PJA2: variants seen among roughly 807,000 people sequenced by gnomAD.
PJA2 encodes the protein praja ring finger ubiquitin ligase 2, also known as E3 ubiquitin-protein ligase Praja-2.
In PJA2, 25 loss-of-function variants were observed where a neutral mutation model predicts 69.3. The ratio of observed to expected loss-of-function variants is 0.36; its 90% CI spans 0.26 to 0.50. The LOEUF (loss-of-function observed/expected upper bound fraction) is 0.50. PJA2 is among the 20% of genes least tolerant of loss of function. The pLI, the probability that PJA2 is intolerant of heterozygous loss-of-function variation, is 0.96. For synonymous variants in PJA2, 308 were observed against 277.8 expected, an observed-to-expected ratio of 1.11 and a Z score of -1.08; for missense variants, 809 against 830.2, an observed-to-expected ratio of 0.97 and a Z score of 0.31.
intron 1 of PJA2, among the ~76,000 whole-genome samples, chr5:109,387,162 T>C (rs1417954885): frequency 6.6e-6 from 1 of 152,184 alleles, no homozygotes; most frequent in Non-Finnish European, 1.5e-5. Context: ...CTGTCATTAC[T>C]CTCTGTAACA....
At position 109,362,913 on chromosome 5, in the gene PJA2, C is replaced by A. The variant is rs775064969; in HGVS notation, c.1579G>T (p.Ala527Ser). ...NEPANEFAQPAFMLDGNNNLE... is the reference protein window; with the variant it reads ...NEPANEFAQPSFMLDGNNNLE... ...TTATTGTTACCATCCAACATGAAAG[C>A]TGGCTGTGCAAATTCATTGGCAGGT... The change falls in exon 6 of 10, where the codon GCT becomes TCT. Residue 527 changes from alanine (A) to serine (S), a missense_variant. Coordinates refer to ENST00000361189, the MANE Select transcript of PJA2 (RefSeq NM_014819.5). The A allele has an allele frequency of 6.2e-7, 1 of 1,613,826 alleles. No individual in the cohort carries two copies. The highest frequency in any genetic ancestry group is 8.5e-7 in the Non-Finnish European group (1 of 1,179,796).
chr5:109,384,801 G>T (rs1747122227), intron 1 of PJA2, among the ~76,000 whole-genome samples: 1 of 151,972 alleles, frequency 6.6e-6, no homozygotes, highest in South Asian at 2.1e-4. Flanking sequence ...AAAAACATAG[G>T]TGCTAATTAA....
At chr5:109,341,657 G>T (rs1210494830) in intron 9 of PJA2, among the ~76,000 whole-genome samples, 1 of 29,868 alleles carries the variant, frequency 3.3e-5, no homozygotes, top group Non-Finnish European at 7.3e-5. Flanking sequence ...GTGGGGGGGT[G>T]AGCCCTCCGC....
chr5:109,406,910 C>A (rs186194023), intron 1 of PJA2, among the ~76,000 whole-genome samples: 1 of 152,186 alleles, frequency 6.6e-6, no homozygotes, highest in African/African-American at 2.4e-5. Context: ...GAAAAACATG[C>A]CAAGAGAAAA....
intron 1 of PJA2, chr5:109,390,576 C>T (rs1747260346): frequency 6.6e-6 from 1 of 152,020 alleles, no homozygotes; most frequent in South Asian, 2.1e-4. Flanking sequence ...TCACATTTAA[C>T]ATAATTACCA....
At position 109,387,319 on chromosome 5, in the gene PJA2, C is replaced by T. The variant is rs571365961; in HGVS notation, c.-87-3799G>A. On this transcript the variant is annotated intron_variant, in intron 1 of 9. Transcript: ENST00000361189. ...CTATATTCCGTCTACCACTTTCTAT[C>T]TCTAAGTATAAAAAATAAGAAAAAA... Among the ~76,000 whole-genome samples, 11 of 151,978 alleles carry T rather than the reference C, an allele frequency of 7.2e-5. No homozygotes were observed. The South Asian group carries it at 2.3e-3, about 32-fold the overall frequency.
intron 9 of PJA2, among the ~76,000 whole-genome samples, chr5:109,339,584 C>G (rs574516074): frequency 2.2e-4 from 33 of 152,220 alleles, no homozygotes; most frequent in Non-Finnish European, 4.1e-4. Flanking sequence ...CTCACAGACT[C>G]AGCCATGCTC....
chr5:109,389,252 G>T (rs537363266), intron 1 of PJA2, among the ~76,000 whole-genome samples: 2 of 152,202 alleles, frequency 1.3e-5, no homozygotes, highest in African/African-American at 4.8e-5. Context: ...ATGTAAGGCA[G>T]ATTTGTCAGT....
intron 1 of PJA2, among the ~76,000 whole-genome samples, chr5:109,386,900 T>C (rs1274443495): frequency 6.6e-6 from 1 of 152,214 alleles, no homozygotes; most frequent in Non-Finnish European, 1.5e-5. Context: ...GCTGGTATTC[T>C]ATAATTTCAC....
Position 109,379,134 on chromosome 5 carries a change from G to A in PJA2, c.353C>T (p.Ser118Phe), listed in dbSNP as rs1400667333. The change falls in exon 4 of 10, where the codon TCC becomes TTC. Residue 118 changes from serine (S) to phenylalanine (F), a missense_variant. Ser to Phe is a radical substitution (Grantham distance 155). This residue lies in a region of PJA2 where 700 missense variants were observed against 639.5 expected (regional missense o/e 1.09). Transcript: ENST00000361189. ...CTCACTGTGATGTACTGCAACAAAG[G>A]ATTGACTGCTCTCAGTGGTTTGATT... ...ALNQTTESSQ[S>F]FVAVHHSEEG... 1.2e-6 allele frequency: 2 copies of A among 1,614,096 alleles called. No homozygotes were observed. Among genetic ancestry groups the A allele is most frequent in the East Asian group, 2.2e-5 (1 of 44,870 alleles).
chr5:109,371,009 C>T (rs929293419), intron 4 of PJA2, among the ~76,000 whole-genome samples: 1 of 152,126 alleles, frequency 6.6e-6, no homozygotes, highest in Non-Finnish European at 1.5e-5. Context: ...TATGGATTGG[C>T]AAACTACTAC....
chr5:109,370,032 C>CAA (rs1168528650), intron 4 of PJA2, among the ~76,000 whole-genome samples: 727 of 46,894 alleles, frequency 0.016, 8 homozygotes, highest in African/African-American at 0.035. Flanking sequence ...AACTCCCTCT[C>CAA]AAAAAAAAAA....
Position 109,381,595 on chromosome 5 carries a change from G to GA in PJA2, c.139_140insT (p.Pro47LeufsTer7). On this transcript the variant is annotated frameshift_variant, in exon 3 of 10. Coordinates refer to ENST00000361189, the MANE Select transcript of PJA2 (RefSeq NM_014819.5). LOFTEE classifies it high-confidence loss of function. ...GCTTCTTTCATGTCTGGTCATACAT[G>GA]GTTTAAAACTGACATAAGCATGTCT... is the stretch of plus-strand genomic sequence containing the variant. The GA allele has an allele frequency of 6.2e-7, 1 of 1,613,958 alleles. No individual in the cohort carries two copies. Among genetic ancestry groups the GA allele is most frequent in the Non-Finnish European group, 8.5e-7 (1 of 1,179,980 alleles).
chr5:109,387,219 T>C (rs1001400469), intron 1 of PJA2, among the ~76,000 whole-genome samples: 2 of 152,340 alleles, frequency 1.3e-5, no homozygotes, highest in African/African-American at 2.4e-5. Flanking sequence ...TATTATTTAA[T>C]AGTAGTTCTT....
At chr5:109,395,955 G>A (rs1387592003) in intron 1 of PJA2, among the ~76,000 whole-genome samples, 2 of 148,090 alleles carry the variant, frequency 1.4e-5, no homozygotes, top group Non-Finnish European at 3.0e-5. Flanking sequence ...AGCCGAGAAT[G>A]CACCACTGCA....
intron 7 of PJA2, among the ~76,000 whole-genome samples, 157 bp from the exon 8 acceptor site, chr5:109,344,976 T>C (rs762104159): frequency 1.4e-4 from 22 of 152,192 alleles, no homozygotes; most frequent in Non-Finnish European, 3.1e-4. Flanking sequence ...CAGAAGGAAC[T>C]ACCACCATCA....
In PJA2 at chr5:109,335,832, AT is replaced by A. The variant is rs1304662988; in HGVS notation, c.*1398del. ...GCCCCAAAGAACTCCTAAATTACAA[AT>A]TCATCACATTACATGCATGCAATGT... On this transcript the variant is annotated 3_prime_UTR_variant, in exon 10 of 10. Coordinates refer to ENST00000361189, the MANE Select transcript of PJA2 (RefSeq NM_014819.5). The A allele has an allele frequency of 1.3e-5, 2 of 152,618 alleles. No individual in the cohort carries two copies. Among genetic ancestry groups the A allele is most frequent in the African/African-American group, 4.8e-5 (2 of 41,458 alleles). The allele number at this position is 152,618 out of a possible 1,614,324, so 9.5% of individuals were successfully genotyped here. A position where few individuals can be genotyped will look rare whatever the true frequency, so the allele number is the denominator to read the frequency against.
At position 109,375,629 on chromosome 5, in the gene PJA2, T is replaced by A. The variant is rs1746847458; in HGVS notation, c.1283+2575A>T. Reference sequence around the variant, plus strand: ...AAAAAAACTTTTCAAGTATATCAACTTTTTAAGCTTTACAAAAAAACTCAA... The same window carrying A: ...AAAAAAACTTTTCAAGTATATCAACATTTTAAGCTTTACAAAAAAACTCAA... On this transcript the variant is annotated intron_variant, in intron 4 of 9. Transcript: ENST00000361189. Among the ~76,000 whole-genome samples, 3 of 152,206 alleles carry A rather than the reference T, an allele frequency of 2.0e-5. No homozygotes were observed. In the South Asian group the frequency reaches 6.2e-4, roughly 31 times the overall value.
At chr5:109,392,757 C>A (rs771661322) in intron 1 of PJA2, among the ~76,000 whole-genome samples, 1 of 152,064 alleles carries the variant, frequency 6.6e-6, no homozygotes, top group Non-Finnish European at 1.5e-5. Flanking sequence ...TTACAGAGCT[C>A]TAGGGACAAG....
Sources: allele counts gnomAD v4.1 joint callset (sites outside exome capture counted in the v4.1 genomes callset), GRCh38; gene constraint gnomAD v4.1.1; regional missense constraint gnomAD v4.1.1; transcripts MANE v1.5; gene names NCBI Gene and HGNC (gene_info 2026-07-23, HGNC 2026-07-21).